Variants in BCAS2 observed in about 807,000 individuals in gnomAD.
The protein encoded by BCAS2 is BCAS2 pre-mRNA processing factor.
BCAS2 carries 34 observed loss-of-function variants against 35.3 expected under a neutral mutation model. That is an observed-to-expected ratio of 0.96 (90% CI 0.73 to 1.28). The LOEUF is 1.28. BCAS2 is among the 50% of genes most tolerant of loss of function. BCAS2 has a pLI of 0.00. For missense variants in BCAS2, 221 were observed against 268.1 expected (o/e 0.82, Z 1.23); for synonymous variants, 75 against 91.6 (o/e 0.82, Z 1.03).
intron 4 of BCAS2, among the ~76,000 whole-genome samples, chr1:114,574,752 T>TTCC (rs1161840036): frequency 6.6e-6 from 1 of 152,234 alleles, no homozygotes; most frequent in African/African-American, 2.4e-5. Context: ...CTCTTGAACT[T>TTCC]TGAGGTGGGT....
chr1:114,576,984 G>C (rs75431802), intron 2 of BCAS2, among the ~76,000 whole-genome samples: 1,542 of 152,222 alleles, frequency 0.01, 30 homozygotes, highest in African/African-American at 0.035. Context: ...AGCCCACAGA[G>C]AAAAGGATTA....
intron 2 of BCAS2, among the ~76,000 whole-genome samples, chr1:114,579,276 AG>A (rs1416103566): frequency 2.0e-5 from 3 of 152,200 alleles, no homozygotes; most frequent in Admixed American, 1.3e-4. Context: ...TCTCAAAAAA[AG>A]AAAGGATTAA....
At chr1:114,572,995 C>T (rs141114450) in intron 4 of BCAS2, among the ~76,000 whole-genome samples, 1 of 151,886 alleles carries the variant, frequency 6.6e-6, no homozygotes, top group Non-Finnish European at 1.5e-5. Flanking sequence ...TATAATCCCA[C>T]CTACTCTGGA....
intron 4 of BCAS2, among the ~76,000 whole-genome samples, chr1:114,571,409 C>T (rs1364834246): frequency 6.6e-6 from 1 of 152,128 alleles, no homozygotes; most frequent in Non-Finnish European, 1.5e-5. Flanking sequence ...GTTGCTCAAG[C>T]TGGAGTGTAG....
At chr1:114,577,434 G>A (rs1457952882) in intron 2 of BCAS2, among the ~76,000 whole-genome samples, 4 of 152,002 alleles carry the variant, frequency 2.6e-5, no homozygotes, top group Non-Finnish European at 4.4e-5. Flanking sequence ...GCGCAATGGC[G>A]CGATCTTGGC....
intron 6 of BCAS2, among the ~76,000 whole-genome samples, chr1:114,569,408 G>A (rs192141714): frequency 2.5e-4 from 38 of 152,134 alleles, no homozygotes; most frequent in Admixed American, 1.6e-3. Flanking sequence ...ATGTGTGTAT[G>A]TAAAAGAACA....
chr1:114,577,369 A>ATTT (rs1313206833), intron 2 of BCAS2, among the ~76,000 whole-genome samples: 12 of 141,908 alleles, frequency 8.5e-5, no homozygotes, highest in Non-Finnish European at 1.8e-4. Flanking sequence ...TAATTTATTT[A>ATTT]TTTATTTATT....
rs1373637133 is a variant in BCAS2 at position 114,570,050 on chromosome 1, A to T, written c.493T>A (p.Trp165Arg). Residue 165 changes from tryptophan to arginine, a missense_variant, in exon 6 of 7, where the codon TGG becomes AGG. Transcript: ENST00000369541. ...KLRKHIQDLN[W>R]QRKNMQLTAG... The stretch of plus-strand genomic sequence containing the variant: ...GTGAGTTGCATGTTCTTTCTCTGCC[A>T]GTTTAAATCTTGAATATGTTTTCTG... 6.2e-7 allele frequency: 1 copy of T among 1,611,404 alleles called. No homozygotes were observed. The highest frequency in any genetic ancestry group is 8.5e-7 in the Non-Finnish European group (1 of 1,177,816).
At chr1:114,580,865 T>C (rs1377434420) in intron 2 of BCAS2, among the ~76,000 whole-genome samples, 1 of 151,968 alleles carries the variant, frequency 6.6e-6, no homozygotes, top group Non-Finnish European at 1.5e-5. Flanking sequence ...CACTTGGATA[T>C]GGTTTGTCCT....
At chr1:114,568,922 C>A (rs1654585399) in intron 6 of BCAS2, among the ~76,000 whole-genome samples, 1 of 151,674 alleles carries the variant, frequency 6.6e-6, no homozygotes, top group Admixed American at 6.6e-5. Flanking sequence ...GCCATCATGC[C>A]TGGCTCATTT....
intron 4 of BCAS2, among the ~76,000 whole-genome samples, chr1:114,572,320 G>A (rs886255045): frequency 6.6e-5 from 10 of 152,196 alleles, no homozygotes; most frequent in African/African-American, 2.2e-4. Flanking sequence ...TCCATGCTGA[G>A]CACTATTGAT....
chr1:114,580,845 A>C (rs1654871804), intron 2 of BCAS2, among the ~76,000 whole-genome samples: 1 of 152,308 alleles, frequency 6.6e-6, no homozygotes, highest in East Asian at 1.9e-4. Context: ...GCTGAGAAAA[A>C]AGTAGTATAC....
chr1:114,574,147 T>C (rs1290976133), intron 4 of BCAS2, among the ~76,000 whole-genome samples: 3 of 152,210 alleles, frequency 2.0e-5, no homozygotes, highest in Non-Finnish European at 2.9e-5. Context: ...AGAAACAGGA[T>C]GTCAGTGGCT....
chr1:114,579,382 AG>A (rs1397490710), intron 2 of BCAS2, among the ~76,000 whole-genome samples: 4 of 152,244 alleles, frequency 2.6e-5, no homozygotes, highest in Non-Finnish European at 5.9e-5. Context: ...TTAAGAGAGA[AG>A]GAAAAAAACT....
intron 4 of BCAS2, among the ~76,000 whole-genome samples, chr1:114,571,604 C>T (rs1654645542): frequency 6.6e-6 from 1 of 152,162 alleles, no homozygotes; most frequent in Non-Finnish European, 1.5e-5. Context: ...AGCAATCTCC[C>T]CACCTCAGCC....
chr1:114,573,174 A>ATAGGGAAT (rs1654684295), intron 4 of BCAS2, among the ~76,000 whole-genome samples: 1 of 144,610 alleles, frequency 6.9e-6, no homozygotes, highest in Non-Finnish European at 1.5e-5. Flanking sequence ...CTTGCAGGTA[A>ATAGGGAAT]TAGGGAATTA....
At chr1:114,577,709 G>A (rs534219195) in intron 2 of BCAS2, among the ~76,000 whole-genome samples, 65 of 152,114 alleles carry the variant, frequency 4.3e-4, no homozygotes, top group Non-Finnish European at 5.0e-4. Context: ...TTCCTCTTTA[G>A]GGCCAACGTC....
At chr1:114,569,278 C>T (rs569186339) in intron 6 of BCAS2, among the ~76,000 whole-genome samples, 4 of 150,716 alleles carry the variant, frequency 2.7e-5, no homozygotes, top group Admixed American at 1.3e-4. Flanking sequence ...ACTGGTAAGA[C>T]GTACATGGAG....
chr1:114,575,896 A>T (rs1385289919), intron 3 of BCAS2, 145 bp from the exon 4 acceptor site: 1 of 819,650 alleles, frequency 1.2e-6, no homozygotes, highest in Non-Finnish European at 1.8e-6. Context: ...TAAGAAACCG[A>T]TATATGCTAA....
Sources: allele counts gnomAD v4.1 joint callset (sites outside exome capture counted in the v4.1 genomes callset), GRCh38; gene constraint gnomAD v4.1.1; transcripts MANE v1.5; gene names NCBI Gene and HGNC (gene_info 2026-07-23, HGNC 2026-07-21).